The following ATF7IP variants were observed in gnomAD, a reference collection of about 807,000 sequenced individuals.
The protein encoded by ATF7IP is activating transcription factor 7-interacting protein 1.
Under a neutral mutation model 106.4 loss-of-function variants are expected in ATF7IP, and 23 were observed. That is an observed-to-expected ratio of 0.22 (90% CI 0.16 to 0.31). ATF7IP has a LOEUF of 0.31. Ranked by LOEUF, ATF7IP falls within the 10% of genes least tolerant of loss-of-function variation. The pLI is 1.00. For synonymous variants in ATF7IP, 542 were observed against 539.0 expected (o/e 1.01, Z -0.08); for missense variants, 1,334 against 1,524.3 (o/e 0.88, Z 2.08).
At chr12:14,366,567 T>A (rs910224239) in intron 1 of ATF7IP, among the ~76,000 whole-genome samples, 1 of 152,222 alleles carries the variant, frequency 6.6e-6, no homozygotes, top group South Asian at 2.1e-4. Flanking sequence ...AAATGTTTGA[T>A]CCTAAGTAAA....
intron 5 of ATF7IP, among the ~76,000 whole-genome samples, chr12:14,440,962 T>C (rs1337850913): frequency 6.6e-6 from 1 of 152,248 alleles, no homozygotes; most frequent in Non-Finnish European, 1.5e-5. Context: ...TATGCCACAT[T>C]TTGCTTATAC....
chr12:14,380,038 A>G (rs941735817), intron 1 of ATF7IP, among the ~76,000 whole-genome samples: 3 of 152,006 alleles, frequency 2.0e-5, no homozygotes, highest in Non-Finnish European at 2.9e-5. Context: ...GGATACTCCA[A>G]TTGTATCTTT....
chr12:14,449,407 G>C (rs901463847), intron 6 of ATF7IP, among the ~76,000 whole-genome samples: 1 of 151,904 alleles, frequency 6.6e-6, no homozygotes, highest in African/African-American at 2.4e-5. Context: ...TCCTTATCCC[G>C]TTGTGTGGTT....
intron 1 of ATF7IP, 190 bp from the exon 2 acceptor site, chr12:14,423,719 A>AT: frequency 1.8e-6 from 1 of 541,196 alleles, no homozygotes; most frequent in Admixed American, 4.0e-5. Flanking sequence ...GACTATGGCC[A>AT]TTTTTGATTT....
intron 1 of ATF7IP, among the ~76,000 whole-genome samples, chr12:14,378,254 C>T (rs548886783): frequency 1.1e-4 from 16 of 152,094 alleles, no homozygotes; most frequent in South Asian, 2.1e-4. Flanking sequence ...CATGCCACCA[C>T]GCCCAGCTAA....
intron 1 of ATF7IP, among the ~76,000 whole-genome samples, chr12:14,383,116 CTAAG>C (rs1347379788): frequency 9.2e-5 from 14 of 152,140 alleles, no homozygotes; most frequent in Non-Finnish European, 1.6e-4. Context: ...TCAGCTGGTA[CTAAG>C]TGTTGTCTGG....
Position 14,478,367 on chromosome 12 carries a change from C to A in ATF7IP, c.2992C>A (p.Pro998Thr). The A allele has an allele frequency of 6.2e-7, 1 of 1,614,034 alleles. No individual in the cohort carries two copies. The highest frequency in any genetic ancestry group is 2.2e-5 in the East Asian group (1 of 44,866). Residue 998 changes from proline to threonine, a missense_variant, in exon 12 of 15, where the codon CCT (proline) becomes ACT (threonine). Around this residue, in one of 10 missense-constraint regions of ATF7IP, gnomAD observed 370 missense variants for 401.2 expected, o/e 0.92. Transcript: ENST00000261168. ...TGTATCAACCATGAGTTCTTCTCAG[C>A]CTGTGTCACGACCATTGCAACCCAT... ...TPVSTMSSSQPVSRPLQPIQP... is the reference protein window; with the variant it reads ...TPVSTMSSSQTVSRPLQPIQP...
intron 13 of ATF7IP, among the ~76,000 whole-genome samples, chr12:14,494,325 A>ATGTGTG (rs1356033054): frequency 6.0e-5 from 5 of 83,456 alleles, no homozygotes; most frequent in African/African-American, 9.7e-5. Flanking sequence ...ATATATATAT[A>ATGTGTG]TATATATATG....
At chr12:14,493,699 C>T (rs1445185448) in intron 13 of ATF7IP, among the ~76,000 whole-genome samples, 4 of 152,132 alleles carry the variant, frequency 2.6e-5, no homozygotes, top group African/African-American at 9.7e-5. Flanking sequence ...CCAGTCAGTG[C>T]CCTCCCTTTA....
At chr12:14,385,464 A>G in intron 1 of ATF7IP, 2 of 1,448,928 alleles carry the variant, frequency 1.4e-6, no homozygotes, top group Admixed American at 4.2e-5. Context: ...AAAGGAATTT[A>G]ACTGAGTTTA....
intron 1 of ATF7IP, among the ~76,000 whole-genome samples, chr12:14,400,102 T>G (rs1940102722): frequency 6.6e-6 from 1 of 152,240 alleles, no homozygotes; most frequent in African/African-American, 2.4e-5. Context: ...AAATACCAAT[T>G]ACATGAGTGA....
intron 10 of ATF7IP, among the ~76,000 whole-genome samples, chr12:14,472,318 A>C (rs1477916201): frequency 6.7e-6 from 1 of 148,450 alleles, no homozygotes; most frequent in Non-Finnish European, 1.5e-5. Context: ...GAAAAGCATG[A>C]AAAAGCATGA....
intron 1 of ATF7IP, among the ~76,000 whole-genome samples, chr12:14,376,637 T>C (rs964700038): frequency 6.6e-6 from 1 of 152,238 alleles, no homozygotes; most frequent in African/African-American, 2.4e-5. Context: ...GCAGTACCTA[T>C]AATTGTAGGG....
At chr12:14,485,407 G>A (rs1944569052) in intron 13 of ATF7IP, among the ~76,000 whole-genome samples, 1 of 151,972 alleles carries the variant, frequency 6.6e-6, no homozygotes, top group Non-Finnish European at 1.5e-5. Flanking sequence ...AAATTTTACT[G>A]AGGTAGAAGG....
chr12:14,408,143 A>AAT (rs1257154358), intron 1 of ATF7IP, among the ~76,000 whole-genome samples: 3 of 99,270 alleles, frequency 3.0e-5, no homozygotes, highest in Admixed American at 1.0e-4. Context: ...CACACACACA[A>AAT]ATATATATGG....
intron 5 of ATF7IP, among the ~76,000 whole-genome samples, chr12:14,440,081 T>A (rs917335844): frequency 2.0e-4 from 31 of 152,342 alleles, no homozygotes; most frequent in African/African-American, 7.0e-4. Flanking sequence ...AAGGAAAATC[T>A]TCCCGTTGTT....
intron 1 of ATF7IP, chr12:14,408,504 T>C (rs1215875014): frequency 2.0e-5 from 3 of 152,186 alleles, no homozygotes; most frequent in African/African-American, 7.2e-5. Context: ...TCTGTTGCTG[T>C]GAAAGAACTG....
intron 13 of ATF7IP, chr12:14,481,542 AAT>A (rs1176568324): frequency 5.1e-6 from 2 of 393,072 alleles, no homozygotes; most frequent in Non-Finnish European, 9.7e-6. Context: ...TCAATTAAAA[AAT>A]AGTTTTCAAA....
At chr12:14,402,584 A>G (rs1346236551) in intron 1 of ATF7IP, among the ~76,000 whole-genome samples, 2 of 149,240 alleles carry the variant, frequency 1.3e-5, no homozygotes. Flanking sequence ...AAGTGTTTCT[A>G]GATACATTTT....
Sources: allele counts gnomAD v4.1 joint callset (sites outside exome capture counted in the v4.1 genomes callset), GRCh38; gene constraint gnomAD v4.1.1; regional missense constraint gnomAD v4.1.1; transcripts MANE v1.5; gene names NCBI Gene and HGNC (gene_info 2026-07-23, HGNC 2026-07-21).